Variants in SKAP1 observed in about 807,000 individuals in gnomAD.
SKAP1 encodes src kinase associated phosphoprotein 1.
In SKAP1, 44 loss-of-function variants were observed where a neutral mutation model predicts 58.5. That is an observed-to-expected ratio of 0.75 (90% CI 0.59 to 0.97). SKAP1 has a LOEUF of 0.97. SKAP1 is among the 50% of genes least tolerant of loss of function. The pLI is 0.00. For synonymous variants in SKAP1, 127 were observed against 149.7 expected (o/e 0.85, Z 1.11); for missense variants, 390 against 435.2 (o/e 0.90, Z 0.92).
intron 7 of SKAP1, among the ~76,000 whole-genome samples, chr17:48,184,519 CTG>C (rs2064417875): frequency 6.6e-6 from 1 of 152,130 alleles, no homozygotes; most frequent in African/African-American, 2.4e-5. Flanking sequence ...CAAGCAAAGT[CTG>C]TATCTAAGAT....
At chr17:48,402,029 A>G (rs1236166032) in intron 1 of SKAP1, among the ~76,000 whole-genome samples, 2 of 152,240 alleles carry the variant, frequency 1.3e-5, no homozygotes, top group Non-Finnish European at 2.9e-5. Context: ...AAAGATGTTC[A>G]ATATCACTAG....
At chr17:48,134,118 C>A (rs1009710957) in intron 12 of SKAP1, among the ~76,000 whole-genome samples, 1 of 152,022 alleles carries the variant, frequency 6.6e-6, no homozygotes, top group African/African-American at 2.4e-5. Context: ...GTTTCCCTTT[C>A]TTTTTTACTG....
chr17:48,352,265 C>T (rs1270351245), intron 3 of SKAP1, among the ~76,000 whole-genome samples: 1 of 152,118 alleles, frequency 6.6e-6, no homozygotes, highest in Non-Finnish European at 1.5e-5. Flanking sequence ...CTTCATAAAG[C>T]AAATTACAGC....
At chr17:48,243,969 A>C (rs898031934) in intron 4 of SKAP1, among the ~76,000 whole-genome samples, 2 of 152,228 alleles carry the variant, frequency 1.3e-5, no homozygotes, top group African/African-American at 2.4e-5. Context: ...AAAAAAGTTC[A>C]GGAGAAGAAA....
chr17:48,335,394 A>T (rs953094638), intron 4 of SKAP1, among the ~76,000 whole-genome samples: 4 of 152,134 alleles, frequency 2.6e-5, no homozygotes, highest in Admixed American at 6.5e-5. Context: ...TTGTCTAGAG[A>T]TCAACTATTT....
chr17:48,316,142 A>C (rs1490490250), intron 4 of SKAP1, among the ~76,000 whole-genome samples: 1 of 152,196 alleles, frequency 6.6e-6, no homozygotes, highest in African/African-American at 2.4e-5. Flanking sequence ...ATATTATGCC[A>C]GTCTGTTGCT....
At chr17:48,332,715 G>A (rs1331407067) in intron 4 of SKAP1, among the ~76,000 whole-genome samples, 6 of 152,078 alleles carry the variant, frequency 3.9e-5, no homozygotes, top group Non-Finnish European at 7.4e-5. Context: ...AGACATTTAT[G>A]AGCGCTGAAA....
chr17:48,337,979 ATCTT>A (rs1208954731), intron 4 of SKAP1, among the ~76,000 whole-genome samples: 1 of 151,520 alleles, frequency 6.6e-6, no homozygotes, highest in Non-Finnish European at 1.5e-5. Flanking sequence ...GACACTTAGT[ATCTT>A]CCTTCCTTCC....
intron 2 of SKAP1, among the ~76,000 whole-genome samples, chr17:48,370,376 GCTTA>G (rs1052828526): frequency 2.0e-5 from 3 of 152,096 alleles, no homozygotes; most frequent in African/African-American, 7.2e-5. Flanking sequence ...CGTGATCATG[GCTTA>G]CTGCAGCCTC....
At chr17:48,350,422 G>A (rs563476017) in intron 3 of SKAP1, among the ~76,000 whole-genome samples, 2 of 152,270 alleles carry the variant, frequency 1.3e-5, no homozygotes, top group African/African-American at 2.4e-5. Flanking sequence ...GCAGCCGGGC[G>A]TGGTGGCTCA....
At position 48,189,491 on chromosome 17, in the gene SKAP1, T is replaced by C. The variant is rs777742001; in HGVS notation, c.290A>G (p.Asp97Gly). 5.6e-6 allele frequency: 9 copies of C among 1,611,194 alleles called. No individual in the cohort carries two copies. Among genetic ancestry groups the C allele is most frequent in the Non-Finnish European group, 6.8e-6 (8 of 1,179,078 alleles). The change falls in exon 5 of 13, where the codon GAC becomes GGC. Residue 97 changes from aspartate (D) to glycine (G), a missense_variant. Physicochemically the swap from Asp to Gly is moderately conservative, Grantham distance 94. Coordinates refer to ENST00000336915, the MANE Select transcript of SKAP1 (RefSeq NM_003726.4). ...LSDYQDEGMEDIVKGAQELDN... is the reference protein window; with the variant it reads ...LSDYQDEGMEGIVKGAQELDN... ...AAGTTCTTGAGCTCCTTTTACGATG[T>C]CTTCCATTCCTAAAAGGACCAATGG...
intron 4 of SKAP1, among the ~76,000 whole-genome samples, chr17:48,229,184 A>C (rs1402027810): frequency 2.0e-5 from 3 of 152,192 alleles, no homozygotes; most frequent in Non-Finnish European, 4.4e-5. Flanking sequence ...TTTTCAACTT[A>C]GGGTTCTGAA....
At chr17:48,170,065 A>G (rs899283473) in intron 10 of SKAP1, among the ~76,000 whole-genome samples, 2 of 152,234 alleles carry the variant, frequency 1.3e-5, no homozygotes, top group Non-Finnish European at 2.9e-5. Context: ...TGGGATGAAT[A>G]AGATGTAATT....
intron 2 of SKAP1, among the ~76,000 whole-genome samples, chr17:48,365,201 G>C (rs2066987052): frequency 6.6e-6 from 1 of 151,944 alleles, no homozygotes; most frequent in Non-Finnish European, 1.5e-5. Context: ...TCCCACTTTG[G>C]CATCCCAAAG....
At chr17:48,226,123 G>A (rs1278136695) in intron 4 of SKAP1, among the ~76,000 whole-genome samples, 1 of 152,214 alleles carries the variant, frequency 6.6e-6, no homozygotes, top group East Asian at 1.9e-4. Flanking sequence ...GTGGCTGACA[G>A]CCTGTAATGG....
At chr17:48,350,812 T>A (rs765353429) in intron 3 of SKAP1, among the ~76,000 whole-genome samples, 3 of 152,188 alleles carry the variant, frequency 2.0e-5, no homozygotes, top group Non-Finnish European at 2.9e-5. Context: ...AATTTAAAAT[T>A]GAAAAATTTT....
chr17:48,221,343 C>T (rs930349672), intron 4 of SKAP1, among the ~76,000 whole-genome samples: 2 of 152,042 alleles, frequency 1.3e-5, no homozygotes, highest in Non-Finnish European at 2.9e-5. Flanking sequence ...TGATGTATTG[C>T]AATAAAAAAG....
chr17:48,290,188 T>G (rs1054921860), intron 4 of SKAP1, among the ~76,000 whole-genome samples: 1 of 152,214 alleles, frequency 6.6e-6, no homozygotes, highest in Non-Finnish European at 1.5e-5. Flanking sequence ...GCCAGTTTCA[T>G]GTCCTTGATG....
chr17:48,346,746 T>C (rs1383399189), intron 3 of SKAP1, among the ~76,000 whole-genome samples: 1 of 152,174 alleles, frequency 6.6e-6, no homozygotes, highest in African/African-American at 2.4e-5. Context: ...CTTCTATACA[T>C]AATATAATAT....
Sources: allele counts gnomAD v4.1 joint callset (sites outside exome capture counted in the v4.1 genomes callset), GRCh38; gene constraint gnomAD v4.1.1; transcripts MANE v1.5; gene names NCBI Gene and HGNC (gene_info 2026-07-23, HGNC 2026-07-21).